Variants in BICD1 observed in about 807,000 individuals in gnomAD.
BICD1 encodes the protein BICD cargo adaptor 1.
A neutral mutation model predicts 92.5 loss-of-function variants in BICD1; 35 were observed. The ratio of observed to expected loss-of-function variants is 0.38; its 90% CI spans 0.29 to 0.50. The LOEUF is 0.50. Among genes scored for constraint, BICD1 ranks in the 20% least tolerant of loss-of-function variants. The pLI is 0.93. For missense variants in BICD1, 950 were observed against 1,189.8 expected (o/e 0.80, Z 2.97); for synonymous variants, 429 against 465.1 (o/e 0.92, Z 1.00).
At chr12:32,215,574 G>A (rs1459734396) in intron 1 of BICD1, among the ~76,000 whole-genome samples, 1 of 151,960 alleles carries the variant, frequency 6.6e-6, no homozygotes, top group Non-Finnish European at 1.5e-5. Flanking sequence ...ATATTTGTGA[G>A]ATTTTTTAAA....
At chr12:32,256,121 T>C (rs559261190) in intron 2 of BICD1, among the ~76,000 whole-genome samples, 2 of 152,206 alleles carry the variant, frequency 1.3e-5, no homozygotes, top group African/African-American at 4.8e-5. Context: ...GGTACAATCA[T>C]AGCTCACTGC....
intron 1 of BICD1, among the ~76,000 whole-genome samples, chr12:32,196,811 A>T (rs997632645): frequency 1.3e-5 from 2 of 152,136 alleles, no homozygotes; most frequent in African/African-American, 4.8e-5. Context: ...CTGGGTGGTG[A>T]TGGATATGTT....
chr12:32,199,138 T>C (rs967828499), intron 1 of BICD1, among the ~76,000 whole-genome samples: 1 of 152,216 alleles, frequency 6.6e-6, no homozygotes, highest in Non-Finnish European at 1.5e-5. Flanking sequence ...ATACAACTTA[T>C]TAATAGCTTT....
chr12:32,297,013 GTATC>G lies in BICD1; in HGVS notation c.579+2870_579+2873del, dbSNP rs375718456. 3.8e-3 allele frequency among the ~76,000 whole-genome samples: 576 copies of G among 152,226 alleles called. 3 individuals are homozygous for G. The highest frequency in any genetic ancestry group is 0.013 in the African/African-American group (547 of 41,538). On this transcript the variant is annotated intron_variant, in intron 3 of 9. Transcript: ENST00000652176. The stretch of plus-strand genomic sequence containing the variant: ...GCCATATGCTAATTTTCCCAATTAA[GTATC>G]TAATTAATTCATTCAAAATCATTTT...
chr12:32,201,444 T>C (rs1453687646), intron 1 of BICD1, among the ~76,000 whole-genome samples: 2 of 151,900 alleles, frequency 1.3e-5, no homozygotes, highest in African/African-American at 4.8e-5. Context: ...CCTAAATGCA[T>C]AGGCACTCAG....
At chr12:32,370,050 A>G (rs2136334901) in intron 9 of BICD1, among the ~76,000 whole-genome samples, 1 of 152,350 alleles carries the variant, frequency 6.6e-6, no homozygotes, top group African/African-American at 2.4e-5. Context: ...ATGCCATTTT[A>G]CAACAGCACT....
intron 5 of BICD1, chr12:32,332,516 TAGATGCTGA>T: frequency 1.1e-6 from 1 of 883,838 alleles, no homozygotes; most frequent in Non-Finnish European, 1.4e-6. Flanking sequence ...AGCACTGTGC[TAGATGCTGA>T]AGATTCAAAG....
chr12:32,235,400 G>A (rs759413239), intron 2 of BICD1, among the ~76,000 whole-genome samples: 8 of 152,124 alleles, frequency 5.3e-5, no homozygotes, highest in East Asian at 1.9e-4. Context: ...TTTGTTGGTC[G>A]TGCGTTCCAA....
At chr12:32,144,202 C>G (rs559216843) in intron 1 of BICD1, among the ~76,000 whole-genome samples, 3 of 152,120 alleles carry the variant, frequency 2.0e-5, no homozygotes, top group African/African-American at 7.2e-5. Flanking sequence ...GGAAGAAGGA[C>G]AAAAATTGTC....
At chr12:32,191,599 A>AAT (rs1348835668) in intron 1 of BICD1, among the ~76,000 whole-genome samples, 1 of 147,188 alleles carries the variant, frequency 6.8e-6, no homozygotes, top group Non-Finnish European at 1.5e-5. Flanking sequence ...TATAATATGT[A>AAT]ATATATATAA....
At chr12:32,258,622 G>T (rs1946778228) in intron 2 of BICD1, among the ~76,000 whole-genome samples, 2 of 152,048 alleles carry the variant, frequency 1.3e-5, no homozygotes, top group South Asian at 4.2e-4. Flanking sequence ...GGCAGGGTAA[G>T]GAGGGTGAGT....
At chr12:32,362,346 G>A (rs1203216821) in intron 8 of BICD1, among the ~76,000 whole-genome samples, 1 of 152,038 alleles carries the variant, frequency 6.6e-6, no homozygotes, top group Non-Finnish European at 1.5e-5. Context: ...GGCAACAAGA[G>A]CGAAACTCTG....
chr12:32,215,588 T>C (rs1945331731), intron 1 of BICD1, among the ~76,000 whole-genome samples: 2 of 152,086 alleles, frequency 1.3e-5, no homozygotes, highest in Admixed American at 1.3e-4. Flanking sequence ...TTTTAAAAAA[T>C]GAAGGTGACA....
intron 1 of BICD1, among the ~76,000 whole-genome samples, chr12:32,132,332 C>T (rs890257626): frequency 2.1e-4 from 32 of 150,492 alleles, no homozygotes; most frequent in Non-Finnish European, 4.4e-5. Context: ...AGGAGAATTG[C>T]TTGAACCCGG....
At chr12:32,159,540 A>G (rs1334239739) in intron 1 of BICD1, among the ~76,000 whole-genome samples, 1 of 152,192 alleles carries the variant, frequency 6.6e-6, no homozygotes, top group African/African-American at 2.4e-5. Flanking sequence ...TTCAGCCACT[A>G]CTATCCTTTG....
intron 1 of BICD1, chr12:32,107,774 G>A: frequency 1.4e-6 from 1 of 706,518 alleles, no homozygotes; most frequent in Admixed American, 2.0e-5. Context: ...TGGCTGTTTG[G>A]CCTGCGGGGG....
intron 1 of BICD1, among the ~76,000 whole-genome samples, chr12:32,187,969 C>T (rs1377013150): frequency 3.3e-5 from 5 of 150,730 alleles, no homozygotes; most frequent in Admixed American, 6.6e-5. Flanking sequence ...GACGGAGTCT[C>T]GCTCTGTTGC....
intron 1 of BICD1, among the ~76,000 whole-genome samples, chr12:32,199,951 C>T (rs161969): frequency 0.39 from 58,490 of 151,896 alleles, 12,807 homozygotes; most frequent in East Asian, 0.51. Context: ...GGTGGGCTTT[C>T]GTTACATTCC....
intron 4 of BICD1, among the ~76,000 whole-genome samples, chr12:32,318,027 T>C (rs1290620102): frequency 3.3e-5 from 5 of 151,960 alleles, no homozygotes; most frequent in South Asian, 4.1e-4. Context: ...GTTGTAGATA[T>C]GCAGCATTAT....
Sources: allele counts gnomAD v4.1 joint callset (sites outside exome capture counted in the v4.1 genomes callset), GRCh38; gene constraint gnomAD v4.1.1; transcripts MANE v1.5; gene names NCBI Gene and HGNC (gene_info 2026-07-23, HGNC 2026-07-21).